FOXP1: variants seen among roughly 807,000 people sequenced by gnomAD.
FOXP1 encodes the protein forkhead box protein P1.
In FOXP1, 15 loss-of-function variants were observed where a neutral mutation model predicts 98.2. The observed-to-expected ratio is 0.15, with a 90% confidence interval of 0.10 to 0.24. The LOEUF is 0.24. FOXP1 is among the 10% of genes least tolerant of loss of function. The probability of loss-of-function intolerance (pLI) is 1.00; values close to 1 mark genes in which losing one functional copy is unlikely to be tolerated. For synonymous variants in FOXP1, 371 were observed against 314.5 expected, an observed-to-expected ratio of 1.18 and a Z score of -1.90; for missense variants, 633 against 848.5, an observed-to-expected ratio of 0.75 and a Z score of 3.15.
intron 10 of FOXP1, among the ~76,000 whole-genome samples, chr3:71,045,163 T>G (rs972783038): frequency 2.0e-5 from 3 of 152,180 alleles, no homozygotes; most frequent in African/African-American, 7.2e-5. Context: ...CCCCTTAGAT[T>G]TCAAATATGC....
chr3:71,000,934 C>T, intron 13 of FOXP1, 38 bp downstream of exon 13: 1 of 1,329,560 alleles, frequency 7.5e-7, no homozygotes, highest in South Asian at 1.2e-5. Flanking sequence ...GAATTTGAGG[C>T]ATACTGAGGT....
At chr3:71,420,056 A>T (rs1422328005) in intron 3 of FOXP1, among the ~76,000 whole-genome samples, 1 of 151,986 alleles carries the variant, frequency 6.6e-6, no homozygotes, top group Non-Finnish European at 1.5e-5. Flanking sequence ...AGATCTGCCC[A>T]CCTTGGCCTC....
intron 4 of FOXP1, among the ~76,000 whole-genome samples, chr3:71,335,475 C>T (rs535504345): frequency 6.6e-6 from 1 of 151,952 alleles, no homozygotes; most frequent in African/African-American, 2.4e-5. Context: ...CCTTTGTTCT[C>T]GAGAACCAAA....
intron 3 of FOXP1, among the ~76,000 whole-genome samples, chr3:71,413,288 A>ACACC (rs2082936568): frequency 1.4e-5 from 2 of 144,468 alleles, no homozygotes; most frequent in Non-Finnish European, 3.0e-5. Context: ...ACACACACAC[A>ACACC]CACCCAAAAC....
chr3:71,288,863 T>C (rs1000213390), intron 5 of FOXP1, among the ~76,000 whole-genome samples: 2 of 152,164 alleles, frequency 1.3e-5, no homozygotes, highest in Non-Finnish European at 2.9e-5. Flanking sequence ...CTGCTAGTTA[T>C]ATAAAGCCAG....
intron 3 of FOXP1, among the ~76,000 whole-genome samples, chr3:71,440,057 T>C (rs1451347457): frequency 6.6e-6 from 1 of 151,956 alleles, no homozygotes; most frequent in East Asian, 1.9e-4. Context: ...ACAAATACTA[T>C]ATGATTCCAT....
At chr3:70,995,012 C>A (rs1163422997) in intron 13 of FOXP1, among the ~76,000 whole-genome samples, 1 of 152,060 alleles carries the variant, frequency 6.6e-6, no homozygotes, top group Non-Finnish European at 1.5e-5. Flanking sequence ...GAAGTCAATT[C>A]TGTCAGATGT....
intron 3 of FOXP1, among the ~76,000 whole-genome samples, chr3:71,395,925 C>T (rs1226820528): frequency 6.6e-6 from 1 of 151,836 alleles, no homozygotes; most frequent in African/African-American, 2.4e-5. Flanking sequence ...AAATGCTCTG[C>T]AGAAAAAAAG....
At chr3:70,979,271 C>G (rs58933700) in intron 14 of FOXP1, among the ~76,000 whole-genome samples, 11,203 of 83,934 alleles carry the variant, frequency 0.13, 1,050 homozygotes, top group East Asian at 0.56. Flanking sequence ...TAGAGTGAGA[C>G]TCTACCTCAA....
intron 2 of FOXP1, among the ~76,000 whole-genome samples, chr3:71,513,699 A>T (rs1174026976): frequency 1.3e-5 from 2 of 152,160 alleles, no homozygotes; most frequent in Admixed American, 1.3e-4. Flanking sequence ...TCATACCCCA[A>T]ACTGAATCAC....
intron 14 of FOXP1, among the ~76,000 whole-genome samples, chr3:70,981,483 C>T (rs577282043): frequency 3.3e-5 from 5 of 152,256 alleles, no homozygotes; most frequent in Admixed American, 2.0e-4. Flanking sequence ...AATTAGGAGA[C>T]GCGGATGGAG....
At chr3:71,032,773 A>C (rs2047043733) in intron 11 of FOXP1, among the ~76,000 whole-genome samples, 2 of 152,206 alleles carry the variant, frequency 1.3e-5, no homozygotes, top group African/African-American at 4.8e-5. Context: ...AGTCTCCAGC[A>C]TAGGTCCCCC....
intron 3 of FOXP1, among the ~76,000 whole-genome samples, chr3:71,455,904 C>A (rs896036992): frequency 6.6e-6 from 1 of 152,218 alleles, no homozygotes; most frequent in Non-Finnish European, 1.5e-5. Flanking sequence ...TAAACACCAT[C>A]ATTCCACTTT....
intron 10 of FOXP1, among the ~76,000 whole-genome samples, chr3:71,045,625 A>G (rs563678442): frequency 2.2e-4 from 34 of 152,290 alleles, no homozygotes; most frequent in South Asian, 1.7e-3. Context: ...CTGAGTATGT[A>G]TCAAGCAGCT....
At chr3:70,963,098 C>T (rs1276012911) in intron 20 of FOXP1, among the ~76,000 whole-genome samples, 2 of 152,124 alleles carry the variant, frequency 1.3e-5, no homozygotes, top group Non-Finnish European at 2.9e-5. Context: ...CACGTTTTCC[C>T]CCTAAATTGG....
intron 3 of FOXP1, among the ~76,000 whole-genome samples, chr3:71,439,803 G>A (rs989753126): frequency 1.3e-5 from 2 of 152,020 alleles, no homozygotes; most frequent in African/African-American, 4.8e-5. Flanking sequence ...AAAATTAGCT[G>A]AGTGTGGTGG....
At chr3:71,518,122 GTTTTTTT>G (rs201435436) in intron 2 of FOXP1, among the ~76,000 whole-genome samples, 1 of 150,842 alleles carries the variant, frequency 6.6e-6, no homozygotes, top group Non-Finnish European at 1.5e-5. Flanking sequence ...ATTTGACAGT[GTTTTTTT>G]TTGTTTTTTG....
At chr3:71,284,776 AT>A (rs2071933541) in intron 5 of FOXP1, among the ~76,000 whole-genome samples, 2 of 152,038 alleles carry the variant, frequency 1.3e-5, no homozygotes, top group Non-Finnish European at 2.9e-5. Flanking sequence ...AAAAAAAAAA[AT>A]GGATACACAA....
intron 3 of FOXP1, among the ~76,000 whole-genome samples, chr3:71,380,644 T>G (rs1422195942): frequency 6.6e-6 from 1 of 152,206 alleles, no homozygotes; most frequent in Admixed American, 6.5e-5. Flanking sequence ...ATGCACAATG[T>G]TTATTTTTTA....
Sources: gnomAD v4.1 joint callset for allele counts (sites outside exome capture counted in the v4.1 genomes callset) on GRCh38, gnomAD v4.1.1 for gene constraint, MANE v1.5 for transcripts, NCBI Gene and HGNC (gene_info 2026-07-23, HGNC 2026-07-21) for gene names.